The following MAF variants were observed in gnomAD, a reference collection of about 807,000 sequenced individuals.
MAF encodes transcription factor Maf.
Under a neutral mutation model 22.0 loss-of-function variants are expected in MAF, and 10 were observed. The observed-to-expected ratio is 0.45, with a 90% confidence interval of 0.28 to 0.77. The LOEUF is 0.77. MAF is among the 30% of genes least tolerant of loss of function. MAF has a pLI of 0.12. For synonymous variants in MAF, 337 were observed against 255.8 expected (o/e 1.32, Z -3.03); for missense variants, 544 against 548.4 (o/e 0.99, Z 0.08).
At chr16:79,533,308 G>C in the MAF span, among the ~76,000 whole-genome samples, 472 of 152,214 alleles carry the variant, frequency 3.1e-3, 6 homozygotes, top group African/African-American at 0.011. Flanking sequence ...CCAGATCCAA[G>C]GGTCAGTCAG....
chr16:79,269,302 A>G, the MAF span, among the ~76,000 whole-genome samples: 1 of 152,152 alleles, frequency 6.6e-6, no homozygotes, highest in Non-Finnish European at 1.5e-5. Context: ...CGAGTGAGTT[A>G]CACCTTCCTC....
chr16:79,274,880 C>A, the MAF span, among the ~76,000 whole-genome samples: 2 of 152,146 alleles, frequency 1.3e-5, no homozygotes, highest in Admixed American at 1.3e-4. Flanking sequence ...ACTTTGGCAT[C>A]CAGTTAGGAT....
At chr16:79,513,050 A>G in the MAF span, among the ~76,000 whole-genome samples, 1 of 152,260 alleles carries the variant, frequency 6.6e-6, no homozygotes, top group Non-Finnish European at 1.5e-5. Flanking sequence ...CCCACTGTGC[A>G]TAAAGTTGCC....
the MAF span, among the ~76,000 whole-genome samples, chr16:79,249,299 AT>A: frequency 6.6e-6 from 1 of 151,956 alleles, no homozygotes; most frequent in Admixed American, 6.6e-5. Flanking sequence ...CATGCCTGTT[AT>A]CCCAGCTACT....
At chr16:79,222,875 C>A in the MAF span, among the ~76,000 whole-genome samples, 2,266 of 152,244 alleles carry the variant, frequency 0.015, 42 homozygotes, top group African/African-American at 0.052. Context: ...AAAGCAAGTT[C>A]TTAAAGACCT....
chr16:79,323,715 C>T, the MAF span, among the ~76,000 whole-genome samples: 8 of 152,314 alleles, frequency 5.3e-5, no homozygotes, highest in Non-Finnish European at 1.2e-4. Context: ...TGGAGACTCA[C>T]TCCCCTCACA....
chr16:79,212,861 G>A, the MAF span: 1 of 152,086 alleles, frequency 6.6e-6, no homozygotes, highest in Non-Finnish European at 1.5e-5. Context: ...GGCTGTCCGT[G>A]GGCCAAGTTG....
chr16:79,542,848 G>A, the MAF span, among the ~76,000 whole-genome samples: 1 of 152,340 alleles, frequency 6.6e-6, no homozygotes, highest in East Asian at 1.9e-4. Flanking sequence ...AGAAAGGAGT[G>A]TCAAGGCAGT....
chr16:79,327,038 A>G, the MAF span, among the ~76,000 whole-genome samples: 1 of 152,238 alleles, frequency 6.6e-6, no homozygotes, highest in Admixed American at 6.5e-5. Context: ...CTGGCCTCAC[A>G]GTCTGCATAC....
the MAF span, among the ~76,000 whole-genome samples, chr16:79,301,959 G>A: frequency 6.6e-6 from 1 of 152,240 alleles, no homozygotes; most frequent in Non-Finnish European, 1.5e-5. Flanking sequence ...AGCTGCACAA[G>A]GGTGCGTCCT....
At chr16:79,472,340 T>A in the MAF span, among the ~76,000 whole-genome samples, 172 of 152,302 alleles carry the variant, frequency 1.1e-3, no homozygotes, top group African/African-American at 4.0e-3. Flanking sequence ...AAAGACATTA[T>A]TCATAATAAT....
the MAF span, among the ~76,000 whole-genome samples, chr16:79,277,420 AC>A: frequency 6.6e-6 from 1 of 152,204 alleles, no homozygotes; most frequent in African/African-American, 2.4e-5. Flanking sequence ...GCCTGGGTCA[AC>A]CCATATGGAA....
At chr16:79,317,689 A>G in the MAF span, among the ~76,000 whole-genome samples, 1 of 152,136 alleles carries the variant, frequency 6.6e-6, no homozygotes, top group Non-Finnish European at 1.5e-5. Flanking sequence ...GTGGAGGCAG[A>G]TGCTTTGTTT....
At chr16:79,550,084 T>C in the MAF span, among the ~76,000 whole-genome samples, 6,209 of 152,202 alleles carry the variant, frequency 0.041, 211 homozygotes, top group Non-Finnish European at 0.054. Flanking sequence ...CTCAAGCTCA[T>C]ACTGCTCTCT....
At chr16:79,241,029 T>C in the MAF span, among the ~76,000 whole-genome samples, 1 of 151,942 alleles carries the variant, frequency 6.6e-6, no homozygotes, top group Non-Finnish European at 1.5e-5. Context: ...ACAGACCTCA[T>C]CCAAATGTCA....
the MAF span, among the ~76,000 whole-genome samples, chr16:79,522,709 A>C: frequency 1.3e-5 from 2 of 152,216 alleles, no homozygotes; most frequent in Non-Finnish European, 2.9e-5. Flanking sequence ...ATGATTAAAT[A>C]AAAGAGGCTT....
At chr16:79,572,334 C>T in the MAF span, among the ~76,000 whole-genome samples, 1 of 152,146 alleles carries the variant, frequency 6.6e-6, no homozygotes, top group Non-Finnish European at 1.5e-5. Flanking sequence ...GTGACCAAAT[C>T]CCCATGTAGT....
In MAF at chr16:79,594,106, T is replaced by C; in HGVS notation, c.*354A>G. ...TTAGAATGTGCATGCCTATATATGA[T>C]TTTAAAATGCTAATTGTTGCATTCC... is the stretch of plus-strand genomic sequence containing the variant. On this transcript the variant is annotated 3_prime_UTR_variant, in exon 2 of 2. Transcript: ENST00000326043. 3.3e-6 allele frequency: 1 copy of C among 307,198 alleles called. No individual in the cohort carries two copies. The highest frequency in any genetic ancestry group is 6.2e-6 in the Non-Finnish European group (1 of 161,778). The allele number at this position is 307,198 out of a possible 1,614,324, so 19.0% of individuals were successfully genotyped here.
the MAF span, among the ~76,000 whole-genome samples, chr16:79,231,285 G>A: frequency 1.3e-5 from 2 of 152,060 alleles, no homozygotes; most frequent in Non-Finnish European, 2.9e-5. Flanking sequence ...CACACAGGGA[G>A]ATGCCACAAT....
Sources: gnomAD v4.1 joint callset for allele counts (sites outside exome capture counted in the v4.1 genomes callset) on GRCh38, gnomAD v4.1.1 for gene constraint, MANE v1.5 for transcripts, NCBI Gene and HGNC (gene_info 2026-07-23, HGNC 2026-07-21) for gene names.